The following PIGN variants were observed in gnomAD, a reference collection of about 807,000 sequenced individuals.
PIGN encodes phosphatidylinositol glycan anchor biosynthesis class N, also known as GPI ethanolamine phosphate transferase 1.
A neutral mutation model predicts 125.4 loss-of-function variants in PIGN; 117 were observed. The observed-to-expected ratio is 0.93, with a 90% CI of 0.80 to 1.09. The LOEUF (loss-of-function observed/expected upper bound fraction) is 1.09. Among genes scored for constraint, PIGN ranks in the 50% least tolerant of loss-of-function variants. The probability of loss-of-function intolerance (pLI) is 0.00; values close to 1 mark genes in which losing one functional copy is unlikely to be tolerated. For missense variants in PIGN, 1,075 were observed against 1,094.9 expected (o/e 0.98, Z 0.26); for synonymous variants, 392 against 377.8 (o/e 1.04, Z -0.44).
At chr18:62,071,948 G>A (rs2032903188) in intron 30 of PIGN, among the ~76,000 whole-genome samples, 1 of 137,566 alleles carries the variant, frequency 7.3e-6, no homozygotes, top group Non-Finnish European at 1.5e-5. Context: ...GGTCCTTCAG[G>A]AGGTATTCTA....
At chr18:62,161,076 T>C in intron 4 of PIGN, 57 bp downstream of exon 4, 4 of 1,162,664 alleles carry the variant, frequency 3.4e-6, no homozygotes, top group African/African-American at 1.5e-5. Flanking sequence ...ATTTTGCAGT[T>C]TACTTAACTC....
intron 1 of PIGN, among the ~76,000 whole-genome samples, chr18:62,174,755 G>C (rs951354350): frequency 6.6e-6 from 1 of 151,686 alleles, no homozygotes; most frequent in Non-Finnish European, 1.5e-5. Flanking sequence ...ATTTTTAAAA[G>C]TGGTTTAGGT....
intron 25 of PIGN, among the ~76,000 whole-genome samples, chr18:62,087,121 T>C (rs2033744854): frequency 6.6e-6 from 1 of 152,128 alleles, no homozygotes; most frequent in Admixed American, 6.5e-5. Flanking sequence ...CTACCAAAGT[T>C]ACAGGAAAAT....
intron 23 of PIGN, among the ~76,000 whole-genome samples, chr18:62,094,500 G>C (rs2034096296): frequency 6.6e-6 from 1 of 152,060 alleles, no homozygotes; most frequent in Admixed American, 6.6e-5. Flanking sequence ...TTTAACTTCT[G>C]CTTCCTTATA....
At position 62,029,122 on chromosome 18, in the gene PIGN, G is replaced by A. The variant is rs139509410; in HGVS notation, c.2143-11381C>T. Among the ~76,000 whole-genome samples, 15 of 152,326 alleles carry A rather than the reference G, an allele frequency of 9.8e-5. No individual in the cohort carries two copies. The East Asian group carries it at 2.5e-3, about 25-fold the overall frequency. On this transcript the variant is annotated intron_variant, in intron 23 of 24. Transcript: ENST00000639600. ...TTGTCTTCCTCCCATGGAATCCTGT[G>A]CAGCCATACAGTTTTGAAGGGACAG...
In PIGN at chr18:62,106,807, C is replaced by G. The variant is rs200401462; in HGVS notation, c.1749G>C (p.Arg583=). 6 of 1,606,556 alleles carry G rather than the reference C, an allele frequency of 3.7e-6. No individual in the cohort carries two copies. The Admixed American group carries it at 8.4e-5, about 23-fold the overall frequency. Residue 583 remains arginine (R), a synonymous_variant, in exon 19 of 31, where the codon CGG becomes CGC. Coordinates refer to ENST00000640252, the MANE Select transcript of PIGN (RefSeq NM_176787.5). ...CTCATACCTTTGCTCGAGTCCACAG[C>G]CGAGTGAGAAATGGCCAAGCTGCAA... The part of the protein sequence containing the change: ...TAFAAWPFLT[R]LWTRAKMTSL...
In PIGN at chr18:62,114,643, T is replaced by C; in HGVS notation, c.1173-4A>G. The C allele has an allele frequency of 3.6e-6, 5 of 1,405,122 alleles. No individual in the cohort carries two copies. Among genetic ancestry groups the C allele is most frequent in the Non-Finnish European group, 4.9e-6 (5 of 1,025,122 alleles). 87.0% of individuals were successfully genotyped at this position (1,405,122 alleles called of 1,614,324 possible). Reference sequence around the variant, plus strand: ...CTGTTTGGAATCAGAAAGCAGTCTATATATAAAAAAAAGAATAGGTTTAAA... The same window carrying C: ...CTGTTTGGAATCAGAAAGCAGTCTACATATAAAAAAAAGAATAGGTTTAAA... On this transcript the variant is annotated splice_region_variant and splice_polypyrimidine_tract_variant and intron_variant, in intron 14 of 30. Transcript: ENST00000640252.
At chr18:62,154,824 G>A (rs1462251798) in intron 6 of PIGN, among the ~76,000 whole-genome samples, 173 bp from the exon 7 acceptor site, 1 of 152,144 alleles carries the variant, frequency 6.6e-6, no homozygotes, top group Non-Finnish European at 1.5e-5. Flanking sequence ...TTTATGTTAT[G>A]TGCTATGGAC....
At chr18:62,034,073 G>A (rs530977311) in intron 23 of PIGN, among the ~76,000 whole-genome samples, 2 of 152,190 alleles carry the variant, frequency 1.3e-5, no homozygotes, top group Admixed American at 1.3e-4. Flanking sequence ...GTTTCTTGAG[G>A]GCAAGAATTA....
rs149513669 is a variant in PIGN at position 62,094,933 on chromosome 18, G to C, written c.2180+915C>G. 1.6e-3 allele frequency among the ~76,000 whole-genome samples: 242 copies of C among 152,292 alleles called. 1 individual carries two copies. Among genetic ancestry groups the C allele is most frequent in the African/African-American group, 5.4e-3 (225 of 41,558 alleles). On this transcript the variant is annotated intron_variant, in intron 23 of 30. Coordinates refer to ENST00000640252, the MANE Select transcript of PIGN (RefSeq NM_176787.5). ...GGGGTCTAGGTCACTTAGGGTGTTA[G>C]AGTCTACTGTGGGAAGACTTTGAGA...
Position 62,048,829 on chromosome 18 carries a change from T to C in PIGN, c.2673-2850A>G, listed in dbSNP as rs566951192. On this transcript the variant is annotated intron_variant, in intron 30 of 30. Coordinates refer to ENST00000640252, the MANE Select transcript of PIGN (RefSeq NM_176787.5). ...AACTCGTCATTTAGCATTAGGCATATCTCCTAATGCTATCCCTCCCCCCTC... is the reference window on the plus strand; with the variant it reads ...AACTCGTCATTTAGCATTAGGCATACCTCCTAATGCTATCCCTCCCCCCTC... Among the ~76,000 whole-genome samples the C allele has an allele frequency of 4.0e-5, 6 of 150,426 alleles. No homozygotes were observed. In the South Asian group the frequency reaches 1.1e-3, roughly 27 times the overall value.
intron 23 of PIGN, among the ~76,000 whole-genome samples, chr18:62,021,929 AG>A (rs2030058810): frequency 6.6e-6 from 1 of 152,240 alleles, no homozygotes; most frequent in South Asian, 2.1e-4. Context: ...CTGTGGCTAC[AG>A]GATTGAGTCC....
rs750519349 is a variant in PIGN, at chr18:62,082,655, TAAAC to T, written c.2576+14_2576+17del. On this transcript the variant is annotated intron_variant, in intron 28 of 30. Coordinates refer to ENST00000640252, the MANE Select transcript of PIGN (RefSeq NM_176787.5). ...AAAAATAGGCAAATCAAATGTTTCT[TAAAC>T]TAATTCATCTTACCTTTTTGACGAT... is the stretch of plus-strand genomic sequence containing the variant. The T allele has an allele frequency of 5.0e-6, 7 of 1,406,038 alleles. No individual in the cohort carries two copies. The highest frequency in any genetic ancestry group is 6.9e-6 in the Non-Finnish European group (7 of 1,016,998). The allele number at this position is 1,406,038 out of a possible 1,614,324, so 87.1% of individuals were successfully genotyped here. A position where few individuals can be genotyped will look rare whatever the true frequency, so the allele number is the denominator to read the frequency against.
chr18:62,058,630 C>G (rs1327453257), intron 30 of PIGN, among the ~76,000 whole-genome samples: 1 of 152,222 alleles, frequency 6.6e-6, no homozygotes, highest in Non-Finnish European at 1.5e-5. Flanking sequence ...AAAGGACATA[C>G]ATCAACATGT....
chr18:62,138,109 C>T, intron 14 of PIGN, 134 bp downstream of exon 14: 1 of 1,238,588 alleles, frequency 8.1e-7, no homozygotes, highest in Non-Finnish European at 1.1e-6. Flanking sequence ...AAGAGGATTT[C>T]AATTTGGAGT....
At chr18:62,158,160 A>C (rs1198370435) in intron 4 of PIGN, among the ~76,000 whole-genome samples, 2 of 152,232 alleles carry the variant, frequency 1.3e-5, no homozygotes, top group African/African-American at 2.4e-5. Flanking sequence ...ATTAGGTGTG[A>C]TAATAGTATT....
At chr18:62,110,117 G>C in intron 16 of PIGN, 144 bp from the exon 17 acceptor site, 2 of 674,136 alleles carry the variant, frequency 3.0e-6, no homozygotes, top group East Asian at 2.9e-5. Context: ...GCTGCATTAA[G>C]ACAAGGAAAA....
chr18:62,108,368 G>C (rs1210776130), intron 17 of PIGN, among the ~76,000 whole-genome samples: 1 of 151,928 alleles, frequency 6.6e-6, no homozygotes, highest in East Asian at 1.9e-4. Flanking sequence ...TTCAGGAGGG[G>C]TTCTGTACTA....
Position 62,041,273 on chromosome 18 carries a change from G to T in PIGN, c.*4583C>A, listed in dbSNP as rs1184219316. On this transcript the variant is annotated 3_prime_UTR_variant, in exon 31 of 31. Transcript: ENST00000640252. ...GACAATGAGCCATGATGAACCGAAT[G>T]CAATCTGGTACCACTGGCCTTTCCC... 6.6e-6 allele frequency: 1 copy of T among 152,192 alleles called. No individual in the cohort carries two copies. The highest frequency in any genetic ancestry group is 1.5e-5 in the Non-Finnish European group (1 of 68,040). 9.4% of individuals were successfully genotyped at this position (152,192 alleles called of 1,614,324 possible). A position where few individuals can be genotyped will look rare whatever the true frequency, so the allele number is the denominator to read the frequency against.
Sources: allele counts gnomAD v4.1 joint callset (sites outside exome capture counted in the v4.1 genomes callset), GRCh38; gene constraint gnomAD v4.1.1; transcripts MANE v1.5; gene names NCBI Gene and HGNC (gene_info 2026-07-23, HGNC 2026-07-21).